ATF7IP: variants seen among roughly 807,000 people sequenced by gnomAD.
ATF7IP encodes activating transcription factor 7 interacting protein, also known as activating transcription factor 7-interacting protein 1.
ATF7IP carries 23 observed loss-of-function variants against 106.4 expected under a neutral mutation model. The observed-to-expected ratio is 0.22, with a 90% CI of 0.16 to 0.31. The LOEUF (loss-of-function observed/expected upper bound fraction) is 0.31. Among genes scored for constraint, ATF7IP ranks in the 10% least tolerant of loss-of-function variants. The pLI is 1.00. For missense variants in ATF7IP, 1,334 were observed against 1,524.3 expected, an observed-to-expected ratio of 0.88 and a Z score of 2.08; for synonymous variants, 542 against 539.0, an observed-to-expected ratio of 1.01 and a Z score of -0.08.
intron 1 of ATF7IP, among the ~76,000 whole-genome samples, chr12:14,371,336 T>C (rs1003586852): frequency 2.0e-5 from 3 of 152,096 alleles, no homozygotes; most frequent in South Asian, 2.1e-4. Context: ...ATATAAAATA[T>C]TAAGATATTA....
chr12:14,416,351 T>C (rs957432760), intron 1 of ATF7IP, among the ~76,000 whole-genome samples: 6 of 152,186 alleles, frequency 3.9e-5, no homozygotes, highest in Non-Finnish European at 5.9e-5. Flanking sequence ...ATGAAATTTT[T>C]ATTCAGAAAA....
chr12:14,450,079 A>G (rs1943138709), intron 6 of ATF7IP, among the ~76,000 whole-genome samples: 2 of 152,000 alleles, frequency 1.3e-5, no homozygotes, highest in South Asian at 4.1e-4. Context: ...AGTTGTCTTT[A>G]GGGTTTTTAC....
chr12:14,438,090 A>G (rs1565511820), intron 4 of ATF7IP, 40 bp from the exon 5 acceptor site: 4 of 1,592,396 alleles, frequency 2.5e-6, no homozygotes, highest in Non-Finnish European at 3.4e-6. Flanking sequence ...GCTTGCTGGA[A>G]TGCCTTCTTG....
intron 1 of ATF7IP, among the ~76,000 whole-genome samples, chr12:14,417,134 A>G (rs1941250339): frequency 1.3e-5 from 2 of 152,216 alleles, no homozygotes; most frequent in Admixed American, 1.3e-4. Context: ...ATATAATAAA[A>G]ATGTCTTTAA....
chr12:14,395,879 T>G (rs1939810187), intron 1 of ATF7IP, among the ~76,000 whole-genome samples: 1 of 152,146 alleles, frequency 6.6e-6, no homozygotes, highest in Non-Finnish European at 1.5e-5. Context: ...AATTAGGAAT[T>G]CCACTAAATT....
chr12:14,397,030 C>T (rs1231400672), intron 1 of ATF7IP, among the ~76,000 whole-genome samples: 5 of 152,040 alleles, frequency 3.3e-5, no homozygotes, highest in East Asian at 1.9e-4. Flanking sequence ...GATGTGGTGG[C>T]GCACGCCTGT....
intron 12 of ATF7IP, among the ~76,000 whole-genome samples, chr12:14,480,347 T>A (rs1377221550): frequency 2.0e-5 from 3 of 152,156 alleles, no homozygotes. Context: ...TTGATAAATA[T>A]TTATTAACAT....
At chr12:14,399,641 G>C (rs1940073425) in intron 1 of ATF7IP, among the ~76,000 whole-genome samples, 1 of 147,012 alleles carries the variant, frequency 6.8e-6, no homozygotes, top group South Asian at 2.1e-4. Flanking sequence ...TTAGAAACTT[G>C]ACTTAATTGA....
intron 13 of ATF7IP, chr12:14,481,420 C>T (rs1227008133): frequency 3.6e-6 from 2 of 559,188 alleles, no homozygotes; most frequent in Non-Finnish European, 3.1e-6. Flanking sequence ...ATTGTCACCA[C>T]ACACAAAAAA....
chr12:14,365,898 G>A (rs977684254), intron 1 of ATF7IP, 71 bp downstream of exon 1: 1 of 152,428 alleles, frequency 6.6e-6, no homozygotes. Context: ...GAAGAGTCAA[G>A]ACCGCATTAT....
In ATF7IP at chr12:14,424,764, AACCTTTGATCGT is replaced by A; in HGVS notation, c.858_869del (p.Asp286_Phe289del). ...CCTCTGATGAGCTGACTTCTGAATC[AACCTTTGATCGT>A]ACCTTTGAACCAAAGTCTGTACCAG... On this transcript the variant is annotated inframe_deletion, in exon 2 of 15. Coordinates refer to ENST00000261168, the MANE Select transcript of ATF7IP (RefSeq NM_018179.5). 6.2e-7 allele frequency: 1 copy of A among 1,614,180 alleles called. No homozygotes were observed. Among genetic ancestry groups the A allele is most frequent in the Non-Finnish European group, 8.5e-7 (1 of 1,180,014 alleles).
At chr12:14,422,927 C>A (rs1056943407) in intron 1 of ATF7IP, among the ~76,000 whole-genome samples, 1 of 152,156 alleles carries the variant, frequency 6.6e-6, no homozygotes, top group African/African-American at 2.4e-5. Context: ...AATGGAATCA[C>A]TGGGTCATAT....
Position 14,461,210 on chromosome 12 carries a change from A to G in ATF7IP, c.2797+77A>G, listed in dbSNP as rs548862139. On this transcript the variant is annotated intron_variant, in intron 9 of 14. Coordinates refer to ENST00000261168, the MANE Select transcript of ATF7IP (RefSeq NM_018179.5). ...TGTAATGATTGAACTTTTTTTTTCT[A>G]AGTGGCTAGCGTTATTGGAAGTACA... The G allele has an allele frequency of 2.2e-6, 3 of 1,350,360 alleles. No individual in the cohort carries two copies. In the African/African-American group the frequency reaches 4.4e-5, roughly 20 times the overall value. The allele number at this position is 1,350,360 out of a possible 1,614,324, so 83.6% of individuals were successfully genotyped here. A position where few individuals can be genotyped will look rare whatever the true frequency, so the allele number is the denominator to read the frequency against.
chr12:14,436,149 C>A lies in ATF7IP; in HGVS notation c.1689C>A (p.Asp563Glu). The part of the protein sequence containing the change: ...RRKRSKSEDM[D>E]NVQSKRRRYM... ...AACGTTCTAAATCAGAAGACATGGACAATGTACAGTCTAAACGTCGTCGAT... is the reference window on the plus strand; with the variant it reads ...AACGTTCTAAATCAGAAGACATGGAAAATGTACAGTCTAAACGTCGTCGAT... Residue 563 changes from aspartate to glutamate, a missense_variant, in exon 4 of 15, where the codon GAC (aspartate) becomes GAA (glutamate). By Grantham distance (45) the Asp-to-Glu change is conservative (BLOSUM62 2). Around this residue, in one of 10 missense-constraint regions of ATF7IP, gnomAD observed 119 missense variants for 117.8 expected, o/e 1.01. Transcript: ENST00000261168. The A allele has an allele frequency of 6.2e-7, 1 of 1,613,400 alleles. No individual in the cohort carries two copies.
At chr12:14,492,850 CAT>C (rs1328627046) in intron 13 of ATF7IP, among the ~76,000 whole-genome samples, 1 of 151,774 alleles carries the variant, frequency 6.6e-6, no homozygotes, top group Admixed American at 6.6e-5. Context: ...TTAGATCTGA[CAT>C]ATAGAGTCGA....
At chr12:14,447,539 C>T (rs768697294) in intron 6 of ATF7IP, among the ~76,000 whole-genome samples, 4 of 152,212 alleles carry the variant, frequency 2.6e-5, no homozygotes, top group Middle Eastern at 3.4e-3. Flanking sequence ...CCTTGGCCTC[C>T]CAAAGTGCTG....
chr12:14,491,350 C>A (rs937993966), intron 13 of ATF7IP, among the ~76,000 whole-genome samples: 1 of 152,196 alleles, frequency 6.6e-6, no homozygotes, highest in Non-Finnish European at 1.5e-5. Context: ...AAGGCAGCAA[C>A]TAGTCTTTCA....
At position 14,444,481 on chromosome 12, in the gene ATF7IP, T is replaced by C. The variant is rs146158353; in HGVS notation, c.1930-2507T>C. 9.9e-4 allele frequency among the ~76,000 whole-genome samples: 150 copies of C among 152,222 alleles called. 1 individual carries two copies. The Middle Eastern group carries it at 0.014, about 14-fold the overall frequency. Reference sequence around the variant, plus strand: ...GTTTCCCAAATAAAACCCAATGTAATAGAATATCACTTTTCTGGAGTTACA... The same window carrying C: ...GTTTCCCAAATAAAACCCAATGTAACAGAATATCACTTTTCTGGAGTTACA... On this transcript the variant is annotated intron_variant, in intron 5 of 14. Transcript: ENST00000261168.
chr12:14,411,985 C>G (rs1405940085), intron 1 of ATF7IP, among the ~76,000 whole-genome samples: 1 of 152,130 alleles, frequency 6.6e-6, no homozygotes, highest in African/African-American at 2.4e-5. Flanking sequence ...AGGACTCCAA[C>G]TTCATTCTTT....
Sources: allele counts gnomAD v4.1 joint callset (sites outside exome capture counted in the v4.1 genomes callset), GRCh38; gene constraint gnomAD v4.1.1; regional missense constraint gnomAD v4.1.1; transcripts MANE v1.5; gene names NCBI Gene and HGNC (gene_info 2026-07-23, HGNC 2026-07-21).